The following DAZAP1 variants were observed in gnomAD, a reference collection of about 807,000 sequenced individuals.
DAZAP1 encodes the protein DAZ associated protein 1, also known as DAZ-associated protein 1.
Under a neutral mutation model 60.1 loss-of-function variants are expected in DAZAP1, and 6 were observed. The observed-to-expected ratio is 0.10, with a 90% CI of 0.05 to 0.20. The LOEUF is 0.20. Among genes scored for constraint, DAZAP1 ranks in the 10% least tolerant of loss-of-function variants. DAZAP1 has a pLI of 1.00. For missense variants in DAZAP1, 366 were observed against 560.4 expected (o/e 0.65, Z 3.50); for synonymous variants, 235 against 215.9 (o/e 1.09, Z -0.78).
intron 4 of DAZAP1, among the ~76,000 whole-genome samples, chr19:1,419,900 A>G (rs537890156): frequency 1.7e-4 from 23 of 133,530 alleles, no homozygotes; most frequent in Middle Eastern, 4.6e-3. Context: ...GCACACACTC[A>G]TGAAACCATC....
intron 7 of DAZAP1, chr19:1,427,699 T>G (rs915589228): frequency 5.3e-5 from 8 of 152,312 alleles, no homozygotes; most frequent in Admixed American, 1.3e-4. Context: ...AATGGGTCCC[T>G]TGGTCCTGCT....
Position 1,430,254 on chromosome 19 carries a change from G to GGCCCCCCCCCCCCCCCC in DAZAP1, c.763_764insGCCCCCCCCCCCCCCCC (p.Ala255GlyfsTer86). Reference sequence around the variant, plus strand: ...TGGACCGCCCCCTGCAGGAAGAGGAGCCCCCCCGCCACCCCCACCGTTCAC... The same window carrying GGCCCCCCCCCCCCCCCC: ...TGGACCGCCCCCTGCAGGAAGAGGAGGCCCCCCCCCCCCCCCCCCCCCCCGCCACCCCCACCGTTCAC... On this transcript the variant is annotated frameshift_variant, in exon 10 of 12. Transcript: ENST00000233078. LOFTEE classifies it high-confidence loss of function. 7.7e-7 allele frequency: 1 copy of GGCCCCCCCCCCCCCCCC among 1,295,260 alleles called. No homozygotes were observed. The highest frequency in any genetic ancestry group is 2.0e-4 in the Middle Eastern group (1 of 5,084). 80.2% of individuals were successfully genotyped at this position (1,295,260 alleles called of 1,614,324 possible). A position where few individuals can be genotyped will look rare whatever the true frequency, so the allele number is the denominator to read the frequency against.
chr19:1,410,135 C>G (rs538786476), intron 1 of DAZAP1: 1 of 152,340 alleles, frequency 6.6e-6, no homozygotes, highest in Non-Finnish European at 1.5e-5. Context: ...GAGAAGTCGT[C>G]CCAAGTTTTG....
rs899899654 is a variant in DAZAP1, at chr19:1,422,770, G to A, written c.463+374G>A. Among the ~76,000 whole-genome samples, 1 of 152,082 alleles carries A rather than the reference G, an allele frequency of 6.6e-6. No homozygotes were observed. The highest frequency in any genetic ancestry group is 1.5e-5 in the Non-Finnish European group (1 of 68,006). On this transcript the variant is annotated intron_variant, in intron 6 of 11. Transcript: ENST00000233078. This position sits in a 1 kb window ranked among gnomAD's most constrained non-coding sequence, Gnocchi z 4.5. ...TCATTTCGTGTCGTCAGCTGGGTCA[G>A]CTGGCTCGGTGTGGAGTTTGGATTT...
In DAZAP1 at chr19:1,432,379, C is replaced by T. The variant is rs780655450; in HGVS notation, c.872-135C>T. ...CTGTGGTCCATTCTGTGGATGTCCA[C>T]AAGGCCTGGGCGTTCTGTGGGTTTG... On this transcript the variant is annotated intron_variant, in intron 10 of 11. Transcript: ENST00000233078. The surrounding 1 kb of genome is among the most constrained non-coding windows in gnomAD (Gnocchi z 4.9). The T allele has an allele frequency of 9.3e-4, 844 of 905,556 alleles. 3 individuals are homozygous for T. Among genetic ancestry groups the T allele is most frequent in the Non-Finnish European group, 1.3e-3 (720 of 564,744 alleles). 56.1% of individuals were successfully genotyped at this position (905,556 alleles called of 1,614,324 possible). A position where few individuals can be genotyped will look rare whatever the true frequency, so the allele number is the denominator to read the frequency against.
intron 6 of DAZAP1, among the ~76,000 whole-genome samples, chr19:1,424,891 G>T (rs952159343): frequency 1.3e-5 from 2 of 152,100 alleles, no homozygotes. Flanking sequence ...GCGGTGTCAC[G>T]CTCCACCTAG....
chr19:1,408,051 C>T (rs1368629251), intron 1 of DAZAP1, among the ~76,000 whole-genome samples: 1 of 150,980 alleles, frequency 6.6e-6, no homozygotes, highest in Non-Finnish European at 1.5e-5. Flanking sequence ...GAAGGAGAGC[C>T]TGAGGGGTCC....
chr19:1,418,674 C>G lies in DAZAP1; in HGVS notation c.246C>G (p.Pro82=). The part of the protein sequence containing the change: ...PHTLDGRNID[P]KPCTPRGMQP... ...TTTGAAATTTCCTGCAGATCGACCC[C>G]AAGCCATGCACACCCCGGGGGATGC... Residue 82 remains proline, a synonymous_variant, in exon 4 of 12, where the codon CCC becomes CCG. Coordinates refer to ENST00000233078, the MANE Select transcript of DAZAP1 (RefSeq NM_018959.4). The surrounding 1 kb of genome is among the most constrained non-coding windows in gnomAD (Gnocchi z 5.7). The G allele has an allele frequency of 6.2e-7, 1 of 1,614,024 alleles. No homozygotes were observed.
In DAZAP1 at chr19:1,430,376, G is replaced by A. The variant is rs764858525; in HGVS notation, c.871+14G>A. Reference sequence around the variant, plus strand: ...CGCCACAGTTCAGTAAGTCTAGGGGGCCTTGTGGGAGGGCCTCCCGCCTGC... The same window carrying A: ...CGCCACAGTTCAGTAAGTCTAGGGGACCTTGTGGGAGGGCCTCCCGCCTGC... On this transcript the variant is annotated intron_variant, in intron 10 of 11. Coordinates refer to ENST00000233078, the MANE Select transcript of DAZAP1 (RefSeq NM_018959.4). The A allele has an allele frequency of 1.3e-6, 2 of 1,483,146 alleles. No homozygotes were observed. Among genetic ancestry groups the A allele is most frequent in the East Asian group, 5.0e-5 (2 of 39,834 alleles). 91.9% of individuals were successfully genotyped at this position (1,483,146 alleles called of 1,614,324 possible).
chr19:1,418,662 G>A lies in DAZAP1; in HGVS notation c.238-4G>A, dbSNP rs1490138839. 1.2e-6 allele frequency: 2 copies of A among 1,614,004 alleles called. No individual in the cohort carries two copies. Among genetic ancestry groups the A allele is most frequent in the Middle Eastern group, 1.6e-4 (1 of 6,062 alleles). Reference sequence around the variant, plus strand: ...ACAACCAGCTGATTTGAAATTTCCTGCAGATCGACCCCAAGCCATGCACAC... The same window carrying A: ...ACAACCAGCTGATTTGAAATTTCCTACAGATCGACCCCAAGCCATGCACAC... On this transcript the variant is annotated splice_polypyrimidine_tract_variant and splice_region_variant and intron_variant, in intron 3 of 11. Coordinates refer to ENST00000233078, the MANE Select transcript of DAZAP1 (RefSeq NM_018959.4). This position sits in a 1 kb window ranked among gnomAD's most constrained non-coding sequence, Gnocchi z 5.7.
chr19:1,422,499 A>C lies in DAZAP1; in HGVS notation c.463+103A>C. ...CACACAGGTGGCGGCTGTAGCAAAC[A>C]GCCTCAGGAAGGGACGATTTGGAGA... On this transcript the variant is annotated intron_variant, in intron 6 of 11. Coordinates refer to ENST00000233078, the MANE Select transcript of DAZAP1 (RefSeq NM_018959.4). This position sits in a 1 kb window ranked among gnomAD's most constrained non-coding sequence, Gnocchi z 4.5. 9.3e-7 allele frequency: 1 copy of C among 1,079,694 alleles called. No individual in the cohort carries two copies. Among genetic ancestry groups the C allele is most frequent in the Non-Finnish European group, 1.4e-6 (1 of 719,044 alleles). 66.9% of individuals were successfully genotyped at this position (1,079,694 alleles called of 1,614,324 possible).
chr19:1,431,269 C>CA (rs2083444670), intron 10 of DAZAP1, among the ~76,000 whole-genome samples: 1 of 151,520 alleles, frequency 6.6e-6, no homozygotes, highest in Admixed American at 6.6e-5. Flanking sequence ...GCTGGGACTA[C>CA]AGGCGCCCAC....
chr19:1,434,700 A>G lies in DAZAP1; in HGVS notation c.1049-37A>G, dbSNP rs749097268. 6.2e-7 allele frequency: 1 copy of G among 1,603,922 alleles called. No individual in the cohort carries two copies. ...CGCTCGACGGCAGTGCCAACCGCCCAGGGACCGCCCCGAGCTCACAGGACT... is the reference window on the plus strand; with the variant it reads ...CGCTCGACGGCAGTGCCAACCGCCCGGGGACCGCCCCGAGCTCACAGGACT... On this transcript the variant is annotated intron_variant, in intron 11 of 11. Coordinates refer to ENST00000233078, the MANE Select transcript of DAZAP1 (RefSeq NM_018959.4). The surrounding 1 kb of genome is among the most constrained non-coding windows in gnomAD (Gnocchi z 8.0).
In DAZAP1 at chr19:1,423,548, G is replaced by A. The variant is rs1600223313; in HGVS notation, c.463+1152G>A. ...GGTGTTTCTGTCCCGCTTCCTCAGT[G>A]GTGATGTCGCCTCTTGACAGCCGCA... On this transcript the variant is annotated intron_variant, in intron 6 of 11. Transcript: ENST00000233078. The surrounding 1 kb of genome is among the most constrained non-coding windows in gnomAD (Gnocchi z 6.8). Among the ~76,000 whole-genome samples, 1 of 152,330 alleles carries A rather than the reference G, an allele frequency of 6.6e-6. No individual in the cohort carries two copies. The highest frequency in any genetic ancestry group is 1.9e-4 in the East Asian group (1 of 5,178).
chr19:1,417,311 T>G, intron 1 of DAZAP1, 189 bp from the exon 2 acceptor site: 2 of 670,448 alleles, frequency 3.0e-6, no homozygotes, highest in Non-Finnish European at 5.2e-6. Flanking sequence ...GGGATCATCT[T>G]TCATGTCTGC....
chr19:1,420,599 C>T (rs934647528), intron 4 of DAZAP1, among the ~76,000 whole-genome samples: 15 of 152,090 alleles, frequency 9.9e-5, no homozygotes, highest in African/African-American at 2.7e-4. Context: ...CAGTGAGCGC[C>T]GAGGCCCCGG....
Position 1,430,293 on chromosome 19 carries a change from TC to T in DAZAP1, c.804del (p.Thr269ProfsTer66). On this transcript the variant is annotated frameshift_variant, in exon 10 of 12. Coordinates refer to ENST00000233078, the MANE Select transcript of DAZAP1 (RefSeq NM_018959.4). LOFTEE classifies it high-confidence loss of function. Reference protein sequence around the residue: ...PPPPFTSYIVSTPPGGFPPPQ... With the variant: ...PPPPFTSYIVXTPPGGFPPPQ... The stretch of plus-strand genomic sequence containing the variant: ...CCCACCGTTCACCTCCTACATCGTG[TC>T]CACCCCTCCTGGAGGCTTTCCCCCT... 1 of 1,450,104 alleles carries T rather than the reference TC, an allele frequency of 6.9e-7. No homozygotes were observed. Among genetic ancestry groups the T allele is most frequent in the Non-Finnish European group, 9.4e-7 (1 of 1,059,252 alleles). The allele number at this position is 1,450,104 out of a possible 1,614,324, so 89.8% of individuals were successfully genotyped here.
intron 4 of DAZAP1, among the ~76,000 whole-genome samples, chr19:1,419,946 G>A (rs1479043439): frequency 4.5e-5 from 4 of 89,678 alleles, no homozygotes; most frequent in Admixed American, 1.4e-4. Flanking sequence ...CACCCCACGC[G>A]CACACTCATG....
At position 1,426,043 on chromosome 19, in the gene DAZAP1, T is replaced by C; in HGVS notation, c.546+83T>C. 1 of 1,045,722 alleles carries C rather than the reference T, an allele frequency of 9.6e-7. No individual in the cohort carries two copies. Among genetic ancestry groups the C allele is most frequent in the Non-Finnish European group, 1.5e-6 (1 of 662,718 alleles). 64.8% of individuals were successfully genotyped at this position (1,045,722 alleles called of 1,614,324 possible). ...GGGTTTCACTGGAAAGGAACATTCCTTCACGGAAAGGGTCGGGCGAGTTCG... is the reference window on the plus strand; with the variant it reads ...GGGTTTCACTGGAAAGGAACATTCCCTCACGGAAAGGGTCGGGCGAGTTCG... On this transcript the variant is annotated intron_variant, in intron 7 of 11. Transcript: ENST00000233078. This position sits in a 1 kb window ranked among gnomAD's most constrained non-coding sequence, Gnocchi z 5.4.
Sources: gnomAD v4.1 joint callset for allele counts (sites outside exome capture counted in the v4.1 genomes callset) on GRCh38, gnomAD v4.1.1 for gene constraint, Gnocchi (gnomAD v3.1) non-coding constraint, MANE v1.5 for transcripts, NCBI Gene and HGNC (gene_info 2026-07-23, HGNC 2026-07-21) for gene names.